Variants in GAL3ST2 observed in about 807,000 individuals in gnomAD.
The protein encoded by GAL3ST2 is galactose-3-O-sulfotransferase 2, also known as beta-galactose-3-O-sulfotransferase 2.
Under a neutral mutation model 12.9 loss-of-function variants are expected in GAL3ST2, and 16 were observed. That is an observed-to-expected ratio of 1.24 (90% confidence interval 0.84 to 1.88). GAL3ST2 has a LOEUF of 1.88. GAL3ST2 is among the 40% of genes most tolerant of loss of function. The probability of loss-of-function intolerance (pLI) is 0.00; values close to 1 mark genes in which losing one functional copy is unlikely to be tolerated. For missense variants in GAL3ST2, 639 were observed against 571.8 expected, an observed-to-expected ratio of 1.12 and a Z score of -1.20; for synonymous variants, 302 against 273.9, an observed-to-expected ratio of 1.10 and a Z score of -1.01.
chr2:241,791,964 T>A (rs559463696), intron 1 of GAL3ST2, among the ~76,000 whole-genome samples: 1 of 152,066 alleles, frequency 6.6e-6, no homozygotes, highest in African/African-American at 2.4e-5. Flanking sequence ...ATTTTTTTCA[T>A]TTGTTTGCCC....
chr2:241,787,540 C>CTTTT (rs1553615866), intron 1 of GAL3ST2, among the ~76,000 whole-genome samples: 62 of 136,268 alleles, frequency 4.5e-4, no homozygotes, highest in Middle Eastern at 4.0e-3. Context: ...ACTTCTCCTC[C>CTTTT]TTTTTTTTTT....
intron 1 of GAL3ST2, among the ~76,000 whole-genome samples, chr2:241,782,432 TCTC>T (rs1448608408): frequency 6.6e-6 from 1 of 152,140 alleles, no homozygotes; most frequent in Non-Finnish European, 1.5e-5. Flanking sequence ...TTCAAGCTAT[TCTC>T]CTGCATCAGC....
chr2:241,797,129 G>A (rs1317588349), intron 1 of GAL3ST2, among the ~76,000 whole-genome samples: 32 of 152,328 alleles, frequency 2.1e-4, no homozygotes, highest in Admixed American at 2.1e-3. Flanking sequence ...AAAATGTTAG[G>A]GTCACAGGCG....
In GAL3ST2 at chr2:241,793,111, T is replaced by C. The variant is rs1357683169; in HGVS notation, c.30-5954T>C. On this transcript the variant is annotated intron_variant, in intron 1 of 3. Transcript: ENST00000192314. The surrounding 1 kb of genome is among the most constrained non-coding windows in gnomAD (Gnocchi z 4.7). The stretch of plus-strand genomic sequence containing the variant: ...AAGCCAGACTGTGCCCTGACCACCT[T>C]GGGCACACGTCATCAGGACCTCCTG... Among the ~76,000 whole-genome samples the C allele has an allele frequency of 6.6e-6, 1 of 152,192 alleles. No individual in the cohort carries two copies. The highest frequency in any genetic ancestry group is 2.4e-5 in the African/African-American group (1 of 41,436).
rs1455702469 is a variant in GAL3ST2 at position 241,793,450 on chromosome 2, G to T, written c.30-5615G>T. 6.7e-6 allele frequency among the ~76,000 whole-genome samples: 1 copy of T among 149,016 alleles called. No homozygotes were observed. The highest frequency in any genetic ancestry group is 1.5e-5 in the Non-Finnish European group (1 of 67,758). On this transcript the variant is annotated intron_variant, in intron 1 of 3. Coordinates refer to ENST00000192314, the MANE Select transcript of GAL3ST2 (RefSeq NM_022134.3). This position sits in a 1 kb window ranked among gnomAD's most constrained non-coding sequence, Gnocchi z 4.7. ...TATTGTGTACGTGTATGTATGTACT[G>T]TGTATGCGTGTGTATGTGTATGCAT...
chr2:241,786,424 C>G (rs1453488361), intron 1 of GAL3ST2, among the ~76,000 whole-genome samples: 1 of 152,102 alleles, frequency 6.6e-6, no homozygotes, highest in African/African-American at 2.4e-5. Flanking sequence ...CAAGACAGAA[C>G]CCCAATTCGG....
intron 1 of GAL3ST2, among the ~76,000 whole-genome samples, chr2:241,791,957 T>C (rs1699697502): frequency 6.6e-6 from 1 of 152,044 alleles, no homozygotes; most frequent in Non-Finnish European, 1.5e-5. Context: ...GTTTGCAATT[T>C]TTTTCATTTG....
Position 241,796,549 on chromosome 2 carries a change from C to A in GAL3ST2, c.30-2516C>A, listed in dbSNP as rs769073672. The stretch of plus-strand genomic sequence containing the variant: ...CCATTTCTGTGGTGAGCGGCTTCTG[C>A]AGAAGACAGATTTGTTTCATCTGAA... On this transcript the variant is annotated intron_variant, in intron 1 of 3. Coordinates refer to ENST00000192314, the MANE Select transcript of GAL3ST2 (RefSeq NM_022134.3). Among the ~76,000 whole-genome samples the A allele has an allele frequency of 6.6e-5, 10 of 152,190 alleles. 1 individual carries two copies. The highest frequency in any genetic ancestry group is 1.3e-4 in the Non-Finnish European group (9 of 68,028).
Position 241,801,452 on chromosome 2 carries a change from C to T in GAL3ST2, c.120-329C>T, listed in dbSNP as rs1699842859. 4 of 415,478 alleles carry T rather than the reference C, an allele frequency of 9.6e-6. No homozygotes were observed. Among genetic ancestry groups the T allele is most frequent in the Non-Finnish European group, 1.7e-5 (4 of 229,652 alleles). 25.7% of individuals were successfully genotyped at this position (415,478 alleles called of 1,614,324 possible). A position where few individuals can be genotyped will look rare whatever the true frequency, so the allele number is the denominator to read the frequency against. On this transcript the variant is annotated intron_variant, in intron 2 of 3. Coordinates refer to ENST00000192314, the MANE Select transcript of GAL3ST2 (RefSeq NM_022134.3). This position sits in a 1 kb window ranked among gnomAD's most constrained non-coding sequence, Gnocchi z 4.4. ...CCTCCCATCCCATCACTGCTGGGAA[C>T]TCAGTTTTAAGGTGGGTCTGGGGTC...
chr2:241,792,014 C>CTTT (rs765348346), intron 1 of GAL3ST2, among the ~76,000 whole-genome samples: 4 of 133,952 alleles, frequency 3.0e-5, no homozygotes, highest in Non-Finnish European at 6.4e-5. Flanking sequence ...TTCTTTCTTT[C>CTTT]TTTTTTTTTT....
chr2:241,791,682 C>A (rs919972975), intron 1 of GAL3ST2, among the ~76,000 whole-genome samples: 13 of 152,144 alleles, frequency 8.5e-5, no homozygotes, highest in Non-Finnish European at 1.8e-4. Flanking sequence ...AATGTTCCAT[C>A]AAAGCCAATT....
Position 241,793,993 on chromosome 2 carries a change from CTA to C in GAL3ST2, c.30-5071_30-5070del, listed in dbSNP as rs1327723360. On this transcript the variant is annotated intron_variant, in intron 1 of 3. Transcript: ENST00000192314. The surrounding 1 kb of genome is among the most constrained non-coding windows in gnomAD (Gnocchi z 4.7). ...ACAGAGACTGGCTCTGTGACCCGGG[CTA>C]GAGTGTGGTGGTGAGATCAAGGCTC... Among the ~76,000 whole-genome samples the C allele has an allele frequency of 6.6e-6, 1 of 152,140 alleles. No homozygotes were observed. The highest frequency in any genetic ancestry group is 2.4e-5 in the African/African-American group (1 of 41,410).
chr2:241,789,506 ATTGCCTT>A (rs1699671228), intron 1 of GAL3ST2, among the ~76,000 whole-genome samples: 1 of 152,218 alleles, frequency 6.6e-6, no homozygotes, highest in Non-Finnish European at 1.5e-5. Context: ...TTAGCTGACA[ATTGCCTT>A]AGGGTTGTGA....
rs1220653584 is a variant in GAL3ST2 at position 241,793,539 on chromosome 2, ATG to A, written c.30-5520_30-5519del. On this transcript the variant is annotated intron_variant, in intron 1 of 3. Transcript: ENST00000192314. This position sits in a 1 kb window ranked among gnomAD's most constrained non-coding sequence, Gnocchi z 4.7. ...GTATGTGTGTATTGTGTTTATATGT[ATG>A]TGTGTATATGTATGTATGTGTATAT... Among the ~76,000 whole-genome samples the A allele has an allele frequency of 5.6e-5, 8 of 143,220 alleles. No individual in the cohort carries two copies. The highest frequency in any genetic ancestry group is 4.4e-4 in the South Asian group (2 of 4,528). 94.0% of individuals were successfully genotyped at this position (143,220 alleles called of 152,430 possible). A position where few individuals can be genotyped will look rare whatever the true frequency, so the allele number is the denominator to read the frequency against.
Position 241,800,447 on chromosome 2 carries a change from T to C in GAL3ST2, c.119+1293T>C, listed in dbSNP as rs1252936808. On this transcript the variant is annotated intron_variant, in intron 2 of 3. Transcript: ENST00000192314. This position sits in a 1 kb window ranked among gnomAD's most constrained non-coding sequence, Gnocchi z 5.2. The stretch of plus-strand genomic sequence containing the variant: ...TGACGGGAGGAGCTGTGGATATTCA[T>C]GAAGGGGGTCCTGACGCACGTGTCC... Among the ~76,000 whole-genome samples the C allele has an allele frequency of 6.6e-6, 1 of 152,060 alleles. No individual in the cohort carries two copies. The highest frequency in any genetic ancestry group is 2.4e-5 in the African/African-American group (1 of 41,362).
chr2:241,800,814 G>A lies in GAL3ST2; in HGVS notation c.120-967G>A, dbSNP rs1013158292. ...GGTGTCAGAGAAAAAGAAAACTCCCGTGGCAGGTAGAACATAAATAAGTGC... is the reference window on the plus strand; with the variant it reads ...GGTGTCAGAGAAAAAGAAAACTCCCATGGCAGGTAGAACATAAATAAGTGC... On this transcript the variant is annotated intron_variant, in intron 2 of 3. Transcript: ENST00000192314. The surrounding 1 kb of genome is among the most constrained non-coding windows in gnomAD (Gnocchi z 5.2). 5.3e-5 allele frequency: 8 copies of A among 152,202 alleles called. No individual in the cohort carries two copies. The highest frequency in any genetic ancestry group is 1.9e-4 in the African/African-American group (8 of 41,446). The allele number at this position is 152,202 out of a possible 1,614,324, so 9.4% of individuals were successfully genotyped here. A position where few individuals can be genotyped will look rare whatever the true frequency, so the allele number is the denominator to read the frequency against.
intron 1 of GAL3ST2, among the ~76,000 whole-genome samples, chr2:241,786,139 T>TGTGTGTGTG (rs1553615798): frequency 8.9e-5 from 13 of 145,954 alleles, no homozygotes; most frequent in South Asian, 8.8e-4. Flanking sequence ...CACACACCTT[T>TGTGTGTGTG]TGTGTGTGTG....
intron 1 of GAL3ST2, among the ~76,000 whole-genome samples, chr2:241,782,382 G>T (rs991469588): frequency 1.3e-5 from 2 of 152,086 alleles, no homozygotes; most frequent in African/African-American, 4.8e-5. Flanking sequence ...CTGGAGTGCA[G>T]TGGTGCAATT....
chr2:241,777,001 G>A lies in GAL3ST2; in HGVS notation c.29+17G>A, dbSNP rs1158939211. 1.3e-6 allele frequency: 2 copies of A among 1,513,152 alleles called. No homozygotes were observed. The highest frequency in any genetic ancestry group is 1.4e-5 in the African/African-American group (1 of 70,808). 93.7% of individuals were successfully genotyped at this position (1,513,152 alleles called of 1,614,324 possible). On this transcript the variant is annotated intron_variant, in intron 1 of 3. Coordinates refer to ENST00000192314, the MANE Select transcript of GAL3ST2 (RefSeq NM_022134.3). ...CTTGCAGAGGTAAGGGGGGCAGTTG[G>A]ACCCCCCAGGTGGACAAAGCGCTTC...
Sources: allele counts gnomAD v4.1 joint callset (sites outside exome capture counted in the v4.1 genomes callset), GRCh38; gene constraint gnomAD v4.1.1; non-coding constraint Gnocchi (gnomAD v3.1); transcripts MANE v1.5; gene names NCBI Gene and HGNC (gene_info 2026-07-23, HGNC 2026-07-21).